The following CSMD1 variants were observed in gnomAD, a reference collection of about 807,000 sequenced individuals.
CSMD1 encodes the protein CUB and Sushi multiple domains 1.
In CSMD1, 213 loss-of-function variants were observed where a neutral mutation model predicts 417.5. The observed-to-expected ratio is 0.51, with a 90% CI of 0.46 to 0.57. CSMD1 has a LOEUF of 0.57. Ranked by LOEUF, CSMD1 falls within the 20% of genes least tolerant of loss-of-function variation. The pLI, the probability that CSMD1 is intolerant of heterozygous loss-of-function variation, is 0.00. For synonymous variants in CSMD1, 2,862 were observed against 1,736.8 expected (o/e 1.65, Z -16.11); for missense variants, 6,923 against 4,529.7 (o/e 1.53, Z -15.17).
At chr8:4,730,567 C>G (rs1057085124) in intron 1 of CSMD1, among the ~76,000 whole-genome samples, 1 of 151,860 alleles carries the variant, frequency 6.6e-6, no homozygotes, top group Non-Finnish European at 1.5e-5. Context: ...GGTGAAACTC[C>G]GTCTCTACTA....
intron 5 of CSMD1, among the ~76,000 whole-genome samples, chr8:3,960,835 A>G (rs1442123680): frequency 1.3e-5 from 2 of 152,012 alleles, no homozygotes; most frequent in East Asian, 3.8e-4. Flanking sequence ...TTACCTTGCA[A>G]TCGTAACATT....
At chr8:3,676,560 C>G (rs1427257628) in intron 7 of CSMD1, among the ~76,000 whole-genome samples, 2 of 152,162 alleles carry the variant, frequency 1.3e-5, no homozygotes, top group Non-Finnish European at 2.9e-5. Flanking sequence ...CATGTTCTCC[C>G]TTACCATTAA....
chr8:3,207,391 G>C lies in CSMD1; in HGVS notation c.4868-1771C>G, dbSNP rs112435037. 3.2e-3 allele frequency among the ~76,000 whole-genome samples: 482 copies of C among 151,514 alleles called. 5 individuals are homozygous for C. Among genetic ancestry groups the C allele is most frequent in the African/African-American group, 0.011 (452 of 41,286 alleles). On this transcript the variant is annotated intron_variant, in intron 30 of 69. Transcript: ENST00000635120. ...AACTCCTGACCTCATGATCCGCATG[G>C]CTCAGCCTCCCAAAGTGCTGGGATT...
intron 3 of CSMD1, among the ~76,000 whole-genome samples, chr8:4,164,144 TA>T (rs1797323801): frequency 6.6e-6 from 1 of 151,976 alleles, no homozygotes; most frequent in Non-Finnish European, 1.5e-5. Flanking sequence ...AGTGTTCTCT[TA>T]AAATGTAATC....
intron 1 of CSMD1, among the ~76,000 whole-genome samples, chr8:4,813,935 T>C (rs1368661521): frequency 6.6e-6 from 1 of 152,220 alleles, no homozygotes; most frequent in Non-Finnish European, 1.5e-5. Flanking sequence ...TTTGTAATTA[T>C]ACATTTTTGA....
At position 4,814,875 on chromosome 8, in the gene CSMD1, A is replaced by C. The variant is rs371695818; in HGVS notation, c.86-177317T>G. On this transcript the variant is annotated intron_variant, in intron 1 of 69. Coordinates refer to ENST00000635120, the MANE Select transcript of CSMD1 (RefSeq NM_033225.6). ...CATTTGTTAGATACTATTAGCTCATATTTCACTGATAAAAACTATATAATC... is the reference window on the plus strand; with the variant it reads ...CATTTGTTAGATACTATTAGCTCATCTTTCACTGATAAAAACTATATAATC... 9.2e-5 allele frequency among the ~76,000 whole-genome samples: 14 copies of C among 152,346 alleles called. No individual in the cohort carries two copies. The East Asian group carries it at 1.9e-3, about 21-fold the overall frequency.
chr8:4,592,370 G>A (rs187700517), intron 2 of CSMD1, among the ~76,000 whole-genome samples: 13 of 151,782 alleles, frequency 8.6e-5, no homozygotes, highest in East Asian at 7.7e-4. Context: ...ATACTCTTCC[G>A]TATTCATTTT....
At chr8:3,945,409 T>C (rs1048036658) in intron 5 of CSMD1, among the ~76,000 whole-genome samples, 3 of 152,118 alleles carry the variant, frequency 2.0e-5, no homozygotes, top group South Asian at 2.1e-4. Context: ...TTAACTTTTT[T>C]GGGGGGGCAT....
At chr8:4,127,845 G>A (rs1229394771) in intron 3 of CSMD1, among the ~76,000 whole-genome samples, 1 of 152,082 alleles carries the variant, frequency 6.6e-6, no homozygotes, top group Non-Finnish European at 1.5e-5. Context: ...TATTGTTACT[G>A]TTTTGCAGAT....
intron 50 of CSMD1, among the ~76,000 whole-genome samples, chr8:3,039,126 C>T (rs1810896398): frequency 6.6e-6 from 1 of 152,128 alleles, no homozygotes; most frequent in African/African-American, 2.4e-5. Flanking sequence ...TTGCTGTAAA[C>T]ACCGTGTGAG....
rs75927938 is a variant in CSMD1, at chr8:4,209,365, T to C, written c.416-177266A>G. 3.5e-3 allele frequency among the ~76,000 whole-genome samples: 535 copies of C among 152,274 alleles called. 2 individuals carry two copies. The highest frequency in any genetic ancestry group is 0.012 in the African/African-American group (516 of 41,568). ...GACAGAAAGAATTCCAAAGGACACA[T>C]AGATTCCCATCCTTCTGATGCCGAA... On this transcript the variant is annotated intron_variant, in intron 3 of 69. Coordinates refer to ENST00000635120, the MANE Select transcript of CSMD1 (RefSeq NM_033225.6).
chr8:3,185,297 A>T (rs1484417499), intron 36 of CSMD1, among the ~76,000 whole-genome samples: 1 of 152,216 alleles, frequency 6.6e-6, no homozygotes, highest in Non-Finnish European at 1.5e-5. Flanking sequence ...AACTCCAAAA[A>T]CTGAAATTAA....
At chr8:4,194,501 G>C (rs552952487) in intron 3 of CSMD1, among the ~76,000 whole-genome samples, 2 of 152,270 alleles carry the variant, frequency 1.3e-5, no homozygotes, top group South Asian at 4.1e-4. Context: ...TGATTATCAT[G>C]TAAATAATGC....
chr8:3,609,991 A>G (rs1409673331), intron 8 of CSMD1, among the ~76,000 whole-genome samples: 2 of 151,772 alleles, frequency 1.3e-5, no homozygotes, highest in Non-Finnish European at 2.9e-5. Flanking sequence ...TAGTAGAGAC[A>G]GGATTTCAAC....
intron 5 of CSMD1, among the ~76,000 whole-genome samples, chr8:3,775,214 A>G (rs1354594350): frequency 6.6e-6 from 1 of 152,244 alleles, no homozygotes; most frequent in Non-Finnish European, 1.5e-5. Flanking sequence ...AAAGGTTTAG[A>G]TAAAACTTTG....
chr8:3,429,512 G>T (rs530583830), intron 12 of CSMD1, among the ~76,000 whole-genome samples: 1 of 152,144 alleles, frequency 6.6e-6, no homozygotes, highest in African/African-American at 2.4e-5. Context: ...AGGGAAAAAG[G>T]CATGAAGACA....
intron 7 of CSMD1, among the ~76,000 whole-genome samples, chr8:3,681,249 G>A (rs963943454): frequency 2.0e-5 from 3 of 152,248 alleles, no homozygotes; most frequent in Admixed American, 6.5e-5. Context: ...AAGTCAAATC[G>A]TCCCTCTTTG....
intron 2 of CSMD1, among the ~76,000 whole-genome samples, chr8:4,605,441 C>G (rs926138025): frequency 6.6e-6 from 1 of 152,134 alleles, no homozygotes; most frequent in Non-Finnish European, 1.5e-5. Flanking sequence ...CTATAATGGT[C>G]CCCAGAATTA....
At chr8:3,668,668 G>C (rs1364618856) in intron 7 of CSMD1, among the ~76,000 whole-genome samples, 1 of 152,126 alleles carries the variant, frequency 6.6e-6, no homozygotes, top group African/African-American at 2.4e-5. Flanking sequence ...TCAGTCTGAG[G>C]TGTCCAGAGA....
Sources: gnomAD v4.1 joint callset for allele counts (sites outside exome capture counted in the v4.1 genomes callset) on GRCh38, gnomAD v4.1.1 for gene constraint, MANE v1.5 for transcripts, NCBI Gene and HGNC (gene_info 2026-07-23, HGNC 2026-07-21) for gene names.